Variants in GRIN3A observed in about 807,000 individuals in gnomAD.
GRIN3A encodes glutamate receptor ionotropic, NMDA 3A.
Under a neutral mutation model 92.4 loss-of-function variants are expected in GRIN3A, and 47 were observed. That is an observed-to-expected ratio of 0.51 (90% CI 0.40 to 0.65). The LOEUF (loss-of-function observed/expected upper bound fraction) is 0.65. Among genes scored for constraint, GRIN3A ranks in the 30% least tolerant of loss-of-function variants. GRIN3A has a pLI of 0.00. For synonymous variants in GRIN3A, 527 were observed against 540.6 expected (o/e 0.97, Z 0.35); for missense variants, 1,324 against 1,393.1 (o/e 0.95, Z 0.79).
chr9:101,605,445 T>A (rs2118833165), intron 6 of GRIN3A, among the ~76,000 whole-genome samples: 1 of 152,330 alleles, frequency 6.6e-6, no homozygotes, highest in Non-Finnish European at 1.5e-5. Context: ...CCATGGTTAC[T>A]TTTACTTTTG....
chr9:101,687,543 T>C (rs2485532), intron 1 of GRIN3A, among the ~76,000 whole-genome samples: 140,323 of 152,224 alleles, frequency 0.92, 64,995 homozygotes, highest in Middle Eastern at 0.97. Flanking sequence ...TTCTTGGTAT[T>C]GCTATTAAGA....
At chr9:101,633,328 T>G (rs1165066735) in intron 3 of GRIN3A, among the ~76,000 whole-genome samples, 5 of 152,212 alleles carry the variant, frequency 3.3e-5, no homozygotes, top group African/African-American at 1.2e-4. Flanking sequence ...ACTTGCCTAG[T>G]GGAATAGGAT....
intron 1 of GRIN3A, among the ~76,000 whole-genome samples, chr9:101,725,997 G>A (rs1830078565): frequency 6.6e-6 from 1 of 152,046 alleles, no homozygotes; most frequent in Non-Finnish European, 1.5e-5. Flanking sequence ...TTGTTTGCAT[G>A]TCTTATTTTC....
At chr9:101,710,984 C>T (rs1270288549) in intron 1 of GRIN3A, among the ~76,000 whole-genome samples, 1 of 152,044 alleles carries the variant, frequency 6.6e-6, no homozygotes, top group African/African-American at 2.4e-5. Flanking sequence ...TAACTAATAA[C>T]AAAATAGGAC....
chr9:101,714,457 A>G (rs962127744), intron 1 of GRIN3A, among the ~76,000 whole-genome samples: 1 of 152,194 alleles, frequency 6.6e-6, no homozygotes, highest in African/African-American at 2.4e-5. Flanking sequence ...ACGATCAACA[A>G]CTATAAATAG....
At chr9:101,693,076 G>A (rs1588285962) in intron 1 of GRIN3A, among the ~76,000 whole-genome samples, 1 of 151,982 alleles carries the variant, frequency 6.6e-6, no homozygotes, top group South Asian at 2.1e-4. Flanking sequence ...TTCAGAAAAA[G>A]TGAGTAATTT....
intron 3 of GRIN3A, among the ~76,000 whole-genome samples, chr9:101,640,093 G>A (rs930989936): frequency 6.6e-6 from 1 of 152,172 alleles, no homozygotes; most frequent in African/African-American, 2.4e-5. Context: ...TTTAGGAATA[G>A]TGGATGCCTC....
intron 6 of GRIN3A, among the ~76,000 whole-genome samples, chr9:101,601,818 G>A (rs888252230): frequency 1.3e-5 from 2 of 152,248 alleles, no homozygotes; most frequent in African/African-American, 4.8e-5. Context: ...TACTGGATTC[G>A]GGGTTCACTC....
At chr9:101,641,524 G>A (rs902839401) in intron 3 of GRIN3A, among the ~76,000 whole-genome samples, 19 of 151,774 alleles carry the variant, frequency 1.3e-4, no homozygotes, top group African/African-American at 4.1e-4. Context: ...GCAAACTATC[G>A]CAAGAACAAA....
At chr9:101,730,640 A>G (rs1830126622) in intron 1 of GRIN3A, among the ~76,000 whole-genome samples, 1 of 152,130 alleles carries the variant, frequency 6.6e-6, no homozygotes, top group Non-Finnish European at 1.5e-5. Context: ...TGTTATAATT[A>G]TCTCATTTAC....
At chr9:101,598,259 A>G (rs899952388) in intron 6 of GRIN3A, among the ~76,000 whole-genome samples, 1 of 152,224 alleles carries the variant, frequency 6.6e-6, no homozygotes, top group Non-Finnish European at 1.5e-5. Context: ...TTTACAGCAC[A>G]TGTCAATTAG....
intron 6 of GRIN3A, among the ~76,000 whole-genome samples, chr9:101,608,391 C>T (rs1828314186): frequency 6.6e-6 from 1 of 152,200 alleles, no homozygotes; most frequent in South Asian, 2.1e-4. Context: ...TCCCAACTGC[C>T]GTTCCCCTGA....
At chr9:101,619,805 A>T (rs1241882855) in intron 5 of GRIN3A, among the ~76,000 whole-genome samples, 1 of 152,236 alleles carries the variant, frequency 6.6e-6, no homozygotes, top group Non-Finnish European at 1.5e-5. Context: ...CTTTATTGTC[A>T]GCTAACTCCA....
At chr9:101,712,735 AC>A (rs1299115519) in intron 1 of GRIN3A, among the ~76,000 whole-genome samples, 1 of 152,172 alleles carries the variant, frequency 6.6e-6, no homozygotes. Context: ...TGCACAAACT[AC>A]CAGCTAGTGG....
At chr9:101,626,677 C>A (rs548788287) in intron 4 of GRIN3A, among the ~76,000 whole-genome samples, 54 of 152,314 alleles carry the variant, frequency 3.5e-4, no homozygotes, top group African/African-American at 1.2e-3. Context: ...TGCTGCATTT[C>A]TAACTAGCTT....
chr9:101,599,832 T>G (rs1053633584), intron 6 of GRIN3A, among the ~76,000 whole-genome samples: 7 of 152,200 alleles, frequency 4.6e-5, no homozygotes, highest in Non-Finnish European at 1.0e-4. Flanking sequence ...GCTATACAGG[T>G]GGTCCTTGAC....
intron 1 of GRIN3A, among the ~76,000 whole-genome samples, chr9:101,736,040 C>T (rs1353940746): frequency 6.6e-6 from 1 of 152,204 alleles, no homozygotes; most frequent in African/African-American, 2.4e-5. Context: ...TTCTATCAAA[C>T]TTTTCATTGT....
chr9:101,601,173 G>A (rs755105410), intron 6 of GRIN3A: 4 of 152,234 alleles, frequency 2.6e-5, no homozygotes, highest in Non-Finnish European at 4.4e-5. Context: ...GAGTACAGGT[G>A]TAGATATTAG....
Position 101,687,050 on chromosome 9 carries a change from G to T in GRIN3A, c.850C>A (p.Gln284Lys). The change falls in exon 2 of 9, where the codon CAG becomes AAG. Residue 284 changes from glutamine to lysine, a missense_variant. Transcript: ENST00000361820. ...CCAAGGTGGAACTTGGAATTATTCT[G>T]GGTAAGGAGGAGGAAGTCGGTGATG... ...WNITDFLLLT[Q>K]NNSKFHLGSI... 1 of 1,614,100 alleles carries T rather than the reference G, an allele frequency of 6.2e-7. No homozygotes were observed. The highest frequency in any genetic ancestry group is 8.5e-7 in the Non-Finnish European group (1 of 1,179,980).
Sources: allele counts gnomAD v4.1 joint callset (sites outside exome capture counted in the v4.1 genomes callset), GRCh38; gene constraint gnomAD v4.1.1; transcripts MANE v1.5; gene names NCBI Gene and HGNC (gene_info 2026-07-23, HGNC 2026-07-21).